The following PMM2 variants were observed in gnomAD, a reference collection of about 807,000 sequenced individuals.
PMM2 encodes the protein phosphomannomutase 2.
A neutral mutation model predicts 33.2 loss-of-function variants in PMM2; 35 were observed. That is an observed-to-expected ratio of 1.06 (90% confidence interval 0.81 to 1.40). The LOEUF is 1.40. Among genes scored for constraint, PMM2 ranks in the 40% most tolerant of loss-of-function variants. The pLI, the probability that PMM2 is intolerant of heterozygous loss-of-function variation, is 0.00. For missense variants in PMM2, 386 were observed against 306.0 expected (o/e 1.26, Z -1.95); for synonymous variants, 153 against 114.7 (o/e 1.33, Z -2.13).
At chr16:8,821,643 A>G (rs1415318237) in intron 7 of PMM2, among the ~76,000 whole-genome samples, 1 of 152,186 alleles carries the variant, frequency 6.6e-6, no homozygotes, top group Non-Finnish European at 1.5e-5. Flanking sequence ...AGGTGAAATG[A>G]GAGGGCTGTG....
chr16:8,815,461 C>T (rs1423837106), intron 7 of PMM2, among the ~76,000 whole-genome samples: 1 of 152,154 alleles, frequency 6.6e-6, no homozygotes, highest in Admixed American at 6.5e-5. Context: ...GAACTCCTGG[C>T]CTCAAGAGAT....
intron 7 of PMM2, among the ~76,000 whole-genome samples, chr16:8,840,260 TTCA>T (rs2060881301): frequency 1.3e-5 from 2 of 151,808 alleles, no homozygotes; most frequent in African/African-American, 4.8e-5. Flanking sequence ...AGAATAGAAC[TTCA>T]TCAGGGTGGA....
At chr16:8,836,167 TA>T (rs145210839) in intron 7 of PMM2, among the ~76,000 whole-genome samples, 41,635 of 151,444 alleles carry the variant, frequency 0.27, 5,975 homozygotes, top group South Asian at 0.33. Flanking sequence ...GTGGAGTGGG[TA>T]GCCTCCGTAT....
chr16:8,846,069 A>C (rs2060923833), intron 7 of PMM2, among the ~76,000 whole-genome samples: 2 of 152,206 alleles, frequency 1.3e-5, no homozygotes, highest in Non-Finnish European at 2.9e-5. Context: ...GGCCAGTACA[A>C]GGCCCTGACA....
chr16:8,811,462 G>A (rs564749755), intron 5 of PMM2, among the ~76,000 whole-genome samples, 176 bp from the exon 6 acceptor site: 19 of 152,358 alleles, frequency 1.2e-4, no homozygotes, highest in Admixed American at 1.2e-3. Flanking sequence ...TGAAGCTGCT[G>A]TGAGCTATGA....
intron 1 of PMM2, among the ~76,000 whole-genome samples, chr16:8,800,527 A>G (rs1437491746): frequency 6.6e-6 from 1 of 152,196 alleles, no homozygotes; most frequent in Non-Finnish European, 1.5e-5. Flanking sequence ...GGAATTTACC[A>G]TAAGATTATA....
rs376855925 is a variant in PMM2, at chr16:8,847,834, C to T, written c.*9C>T. The T allele has an allele frequency of 3.9e-5, 63 of 1,597,504 alleles. No homozygotes were observed. Among genetic ancestry groups the T allele is most frequent in the Non-Finnish European group, 4.5e-5 (52 of 1,166,632 alleles). On this transcript the variant is annotated 3_prime_UTR_variant, in exon 8 of 8. Transcript: ENST00000268261. ...AACTGCTGTTCTCCTAACGTGGGAG[C>T]GGGAGGGGCGGGGTCCCGGCTGACA...
intron 7 of PMM2, among the ~76,000 whole-genome samples, chr16:8,838,552 G>T (rs1249664760): frequency 6.6e-6 from 1 of 152,024 alleles, no homozygotes; most frequent in Admixed American, 6.6e-5. Context: ...CCTAGAGTGG[G>T]AGAGATTAAG....
chr16:8,831,641 G>A (rs2060810467), intron 7 of PMM2, among the ~76,000 whole-genome samples: 1 of 152,176 alleles, frequency 6.6e-6, no homozygotes, highest in African/African-American at 2.4e-5. Flanking sequence ...GTTCACGCAG[G>A]CTGTGATAGA....
rs527916493 is a variant in PMM2 at position 8,798,894 on chromosome 16, G to A, written c.66+946G>A. On this transcript the variant is annotated intron_variant, in intron 1 of 7. Transcript: ENST00000268261. ...TGCTCCAGAAGTCCAGGTCAAATGC[G>A]TGTGACCTTAGACGTATCATTTTGC... Among the ~76,000 whole-genome samples the A allele has an allele frequency of 2.6e-5, 4 of 152,214 alleles. No homozygotes were observed. The East Asian group carries it at 5.8e-4, about 22-fold the overall frequency.
chr16:8,848,888 C>G lies in PMM2; in HGVS notation c.*1063C>G, dbSNP rs539046271. ...TCACTCTTTTCATCTTCTGCACGTT[C>G]TTCGTGAAACTGGAAGGATCCCGGG... is the stretch of plus-strand genomic sequence containing the variant. On this transcript the variant is annotated 3_prime_UTR_variant, in exon 8 of 8. Coordinates refer to ENST00000268261, the MANE Select transcript of PMM2 (RefSeq NM_000303.3). 6.6e-6 allele frequency: 1 copy of G among 152,272 alleles called. No individual in the cohort carries two copies. Among genetic ancestry groups the G allele is most frequent in the African/African-American group, 2.4e-5 (1 of 41,464 alleles). The allele number at this position is 152,272 out of a possible 1,614,324, so 9.4% of individuals were successfully genotyped here.
intron 7 of PMM2, among the ~76,000 whole-genome samples, chr16:8,825,199 T>G (rs2060759912): frequency 2.0e-5 from 3 of 151,332 alleles, no homozygotes; most frequent in Admixed American, 2.0e-4. Flanking sequence ...CCTGGCTAAT[T>G]TTTTGTATTT....
intron 5 of PMM2, 63 bp from the exon 6 acceptor site, chr16:8,811,575 G>A: frequency 9.5e-7 from 1 of 1,050,524 alleles, no homozygotes; most frequent in African/African-American, 1.6e-5. Flanking sequence ...GTGGCCAGTA[G>A]TTAAAACTGT....
In PMM2 at chr16:8,811,671, C is replaced by G. The variant is rs755895907; in HGVS notation, c.481C>G (p.Leu161Val). The G allele has an allele frequency of 6.2e-7, 1 of 1,613,096 alleles. No individual in the cohort carries two copies. The highest frequency in any genetic ancestry group is 1.3e-5 in the African/African-American group (1 of 75,030). Residue 161 changes from leucine (L) to valine (V), a missense_variant, in exon 6 of 8, where the codon CTA becomes GTA. Leu to Val is a conservative substitution (Grantham distance 32). Coordinates refer to ENST00000268261, the MANE Select transcript of PMM2 (RefSeq NM_000303.3). ...TATAAGACAAAAGTTTGTAGCAGAT[C>G]TACGGAAAGAGTTTGCTGGAAAAGG... is the stretch of plus-strand genomic sequence containing the variant. Reference protein sequence around the residue: ...ENIRQKFVADLRKEFAGKGLT... With the variant: ...ENIRQKFVADVRKEFAGKGLT...
intron 2 of PMM2, among the ~76,000 whole-genome samples, chr16:8,802,907 C>CA (rs1383515755): frequency 6.6e-6 from 1 of 152,020 alleles, no homozygotes; most frequent in African/African-American, 2.4e-5. Context: ...CCAGAGTCCT[C>CA]ACATCTTGGA....
At chr16:8,818,243 G>C (rs1179401391) in intron 7 of PMM2, among the ~76,000 whole-genome samples, 1 of 152,166 alleles carries the variant, frequency 6.6e-6, no homozygotes, top group Non-Finnish European at 1.5e-5. Flanking sequence ...CTCTCATTAG[G>C]CATCAGTTAC....
intron 7 of PMM2, among the ~76,000 whole-genome samples, chr16:8,841,396 G>T (rs2060889938): frequency 2.7e-5 from 4 of 150,614 alleles, no homozygotes; most frequent in Non-Finnish European, 4.4e-5. Flanking sequence ...AGACTAAGAG[G>T]TATTTTAGTT....
intron 7 of PMM2, among the ~76,000 whole-genome samples, chr16:8,828,261 A>G (rs914202562): frequency 1.6e-4 from 24 of 151,894 alleles, no homozygotes; most frequent in Non-Finnish European, 2.9e-4. Flanking sequence ...CCCCAAACGT[A>G]GTTTAGAGAA....
rs149849259 is a variant in PMM2, at chr16:8,806,399, G to T, written c.339G>T (p.Pro113=). 6.2e-7 allele frequency: 1 copy of T among 1,609,254 alleles called. No homozygotes were observed. The highest frequency in any genetic ancestry group is 8.5e-7 in the Non-Finnish European group (1 of 1,175,660). ...CLSYIAKIKL[P]KKRGTFIEFR... is the part of the protein sequence containing the mutation. ...GCTACATTGCGAAAATTAAACTCCC[G>T]AAGAAGAGGTGGGTTTGCTTTTAAC... Residue 113 remains proline (P), a synonymous_variant, in exon 4 of 8, where the codon CCG becomes CCT. Coordinates refer to ENST00000268261, the MANE Select transcript of PMM2 (RefSeq NM_000303.3).
Sources: gnomAD v4.1 joint callset for allele counts (sites outside exome capture counted in the v4.1 genomes callset) on GRCh38, gnomAD v4.1.1 for gene constraint, MANE v1.5 for transcripts, NCBI Gene and HGNC (gene_info 2026-07-23, HGNC 2026-07-21) for gene names.